BICD1: variants seen among roughly 807,000 people sequenced by gnomAD.
The protein encoded by BICD1 is BICD cargo adaptor 1.
In BICD1, 35 loss-of-function variants were observed where a neutral mutation model predicts 92.5. That is an observed-to-expected ratio of 0.38 (90% CI 0.29 to 0.50). The LOEUF is 0.50. Ranked by LOEUF, BICD1 falls within the 20% of genes least tolerant of loss-of-function variation. BICD1 has a pLI of 0.93. For missense variants in BICD1, 950 were observed against 1,189.8 expected, an observed-to-expected ratio of 0.80 and a Z score of 2.97; for synonymous variants, 429 against 465.1, an observed-to-expected ratio of 0.92 and a Z score of 1.00.
chr12:32,339,911 T>C, intron 8 of BICD1: 7 of 877,666 alleles, frequency 8.0e-6, no homozygotes, highest in Non-Finnish European at 8.2e-6. Context: ...CAGCCCTAGG[T>C]CTGCGTTCAC....
intron 1 of BICD1, among the ~76,000 whole-genome samples, chr12:32,156,860 T>C (rs978062923): frequency 6.6e-6 from 1 of 152,214 alleles, no homozygotes; most frequent in African/African-American, 2.4e-5. Context: ...AAATTACTAG[T>C]GGTCAAGAAA....
Position 32,119,558 on chromosome 12 carries a change from TGGGC to T in BICD1, c.213+12016_213+12019del, listed in dbSNP as rs552791903. On this transcript the variant is annotated intron_variant, in intron 1 of 9. Coordinates refer to ENST00000652176, the MANE Select transcript of BICD1 (RefSeq NM_001714.4). Reference sequence around the variant, plus strand: ...CCAACTTGAGGACTAAATGACCCCATGGGCGTAGAAGTGTTTAGTAAGAAAATCT... The same window carrying T: ...CCAACTTGAGGACTAAATGACCCCATGTAGAAGTGTTTAGTAAGAAAATCT... Among the ~76,000 whole-genome samples, 363 of 152,258 alleles carry T rather than the reference TGGGC, an allele frequency of 2.4e-3. 1 individual carries two copies. Among genetic ancestry groups the T allele is most frequent in the African/African-American group, 8.3e-3 (345 of 41,562 alleles).
At chr12:32,165,544 G>T (rs1395570670) in intron 1 of BICD1, among the ~76,000 whole-genome samples, 1 of 151,344 alleles carries the variant, frequency 6.6e-6, no homozygotes, top group African/African-American at 2.4e-5. Flanking sequence ...AATTAGCTGG[G>T]CGTGGTGGTG....
chr12:32,160,995 C>T (rs1330190936), intron 1 of BICD1, among the ~76,000 whole-genome samples: 2 of 152,178 alleles, frequency 1.3e-5, no homozygotes, highest in Non-Finnish European at 2.9e-5. Context: ...CTCTGTGGCT[C>T]TCTGAGCAAT....
chr12:32,369,896 A>AC (rs1411448632), intron 9 of BICD1, among the ~76,000 whole-genome samples: 1 of 152,136 alleles, frequency 6.6e-6, no homozygotes, highest in Non-Finnish European at 1.5e-5. Flanking sequence ...ACAGAGTGAG[A>AC]CCCTGTCTCA....
intron 1 of BICD1, among the ~76,000 whole-genome samples, chr12:32,213,694 C>T (rs887890479): frequency 1.3e-5 from 2 of 152,164 alleles, no homozygotes; most frequent in African/African-American, 4.8e-5. Context: ...CCACCGCACC[C>T]GGCCCCCAGT....
At chr12:32,358,644 G>A (rs1234437060) in intron 8 of BICD1, among the ~76,000 whole-genome samples, 1 of 152,002 alleles carries the variant, frequency 6.6e-6, no homozygotes, top group Admixed American at 6.6e-5. Context: ...GGCTGAGGCA[G>A]GAGAATCACT....
chr12:32,340,079 C>T (rs145948027), intron 8 of BICD1: 41 of 983,918 alleles, frequency 4.2e-5, no homozygotes, highest in Admixed American at 6.2e-5. Context: ...AGTTTGCCAC[C>T]GTTGAAATAG....
intron 2 of BICD1, among the ~76,000 whole-genome samples, chr12:32,252,034 AT>A (rs1488754942): frequency 1.8e-5 from 1 of 56,676 alleles, no homozygotes; most frequent in African/African-American, 9.5e-5. Flanking sequence ...TATATTTATA[AT>A]ATATATTTAT....
At chr12:32,370,739 G>C (rs1479425257) in intron 9 of BICD1, among the ~76,000 whole-genome samples, 1 of 152,200 alleles carries the variant, frequency 6.6e-6, no homozygotes, top group Non-Finnish European at 1.5e-5. Flanking sequence ...AATTCAGCGA[G>C]GCACGCTCCT....
At chr12:32,131,662 G>C (rs1457449109) in intron 1 of BICD1, among the ~76,000 whole-genome samples, 1 of 152,138 alleles carries the variant, frequency 6.6e-6, no homozygotes, top group Non-Finnish European at 1.5e-5. Context: ...AAAATAACTA[G>C]AAATGATAAC....
intron 2 of BICD1, among the ~76,000 whole-genome samples, chr12:32,287,767 G>C (rs1947612626): frequency 6.6e-6 from 1 of 152,126 alleles, no homozygotes; most frequent in South Asian, 2.1e-4. Context: ...TCGATCTCTT[G>C]ACCTTGTGAT....
chr12:32,175,925 T>C (rs1944077531), intron 1 of BICD1, among the ~76,000 whole-genome samples: 2 of 152,204 alleles, frequency 1.3e-5, no homozygotes, highest in Non-Finnish European at 2.9e-5. Context: ...GTTAATTTAC[T>C]TCTTGTTTCA....
chr12:32,120,586 A>G (rs902410575), intron 1 of BICD1, among the ~76,000 whole-genome samples: 2 of 152,162 alleles, frequency 1.3e-5, no homozygotes, highest in Non-Finnish European at 2.9e-5. Flanking sequence ...GGCCCTGTTG[A>G]TAAGCCTCAC....
intron 1 of BICD1, among the ~76,000 whole-genome samples, chr12:32,166,308 G>A (rs1250499004): frequency 1.3e-5 from 2 of 151,420 alleles, no homozygotes; most frequent in Non-Finnish European, 2.9e-5. Context: ...GCTAATTTTT[G>A]TATTTTTAGT....
At chr12:32,373,204 T>C (rs2136339848) in intron 9 of BICD1, among the ~76,000 whole-genome samples, 1 of 152,328 alleles carries the variant, frequency 6.6e-6, no homozygotes, top group South Asian at 2.1e-4. Context: ...AAATGTTGAA[T>C]AACAAGTGGA....
At chr12:32,368,229 TA>T (rs925716753) in intron 9 of BICD1, among the ~76,000 whole-genome samples, 24 of 152,114 alleles carry the variant, frequency 1.6e-4, no homozygotes, top group South Asian at 2.1e-4. Context: ...TTTGTCAATT[TA>T]AAAAAATAAA....
In BICD1 at chr12:32,274,037, G is replaced by A. The variant is rs191762939; in HGVS notation, c.427-19957G>A. Among the ~76,000 whole-genome samples, 243 of 152,314 alleles carry A rather than the reference G, an allele frequency of 1.6e-3. 3 individuals carry two copies. Among genetic ancestry groups the A allele is most frequent in the Admixed American group, 0.013 (202 of 15,298 alleles). On this transcript the variant is annotated intron_variant, in intron 2 of 9. Transcript: ENST00000652176. ...AGCTGAGAAAGGGCAGGCTTTATCC[G>A]GGACCAGCAGTCCAGTTCTTCAGCC...
chr12:32,133,930 T>G (rs539678182), intron 1 of BICD1, among the ~76,000 whole-genome samples: 1 of 152,022 alleles, frequency 6.6e-6, no homozygotes, highest in East Asian at 1.9e-4. Flanking sequence ...TACAGGCGCC[T>G]GCCACCACGC....
Sources: allele counts gnomAD v4.1 joint callset (sites outside exome capture counted in the v4.1 genomes callset), GRCh38; gene constraint gnomAD v4.1.1; transcripts MANE v1.5; gene names NCBI Gene and HGNC (gene_info 2026-07-23, HGNC 2026-07-21).